The following SGMS1 variants were observed in gnomAD, a reference collection of about 807,000 sequenced individuals.
SGMS1 encodes sphingomyelin synthase 1.
A neutral mutation model predicts 46.2 loss-of-function variants in SGMS1; 13 were observed. The observed-to-expected ratio is 0.28, with a 90% confidence interval of 0.18 to 0.45. SGMS1 has a LOEUF of 0.45. Ranked by LOEUF, SGMS1 falls within the 20% of genes least tolerant of loss-of-function variation. SGMS1 has a pLI of 1.00. For missense variants in SGMS1, 324 were observed against 519.9 expected (o/e 0.62, Z 3.66); for synonymous variants, 203 against 187.8 (o/e 1.08, Z -0.66).
intron 3 of SGMS1, among the ~76,000 whole-genome samples, chr10:50,491,284 T>C (rs1271162855): frequency 6.6e-6 from 1 of 152,158 alleles, no homozygotes; most frequent in East Asian, 1.9e-4. Flanking sequence ...GCCCCACAGA[T>C]TGAGGCTATA....
At chr10:50,583,071 C>T (rs955900459) in intron 2 of SGMS1, among the ~76,000 whole-genome samples, 2 of 152,102 alleles carry the variant, frequency 1.3e-5, no homozygotes, top group Non-Finnish European at 2.9e-5. Context: ...TCCATTAATT[C>T]GATCCTTCTC....
intron 3 of SGMS1, among the ~76,000 whole-genome samples, chr10:50,506,057 TC>T (rs1262576786): frequency 6.6e-6 from 1 of 152,034 alleles, no homozygotes; most frequent in East Asian, 1.9e-4. Context: ...AGAATTGCCT[TC>T]CCCATCTCCC....
chr10:50,515,496 T>C (rs769410424), intron 3 of SGMS1, among the ~76,000 whole-genome samples: 7 of 152,240 alleles, frequency 4.6e-5, no homozygotes, highest in Non-Finnish European at 8.8e-5. Context: ...GGCCAGTTAC[T>C]GCTTTGCCAA....
chr10:50,392,205 T>C (rs980828289), intron 6 of SGMS1, among the ~76,000 whole-genome samples: 44 of 142,856 alleles, frequency 3.1e-4, no homozygotes, highest in Non-Finnish European at 5.1e-4. Context: ...AAAAAAAAAC[T>C]GAAATGTTGC....
chr10:50,327,057 G>T (rs1378746633), intron 8 of SGMS1, 148 bp downstream of exon 8: 2 of 521,432 alleles, frequency 3.8e-6, no homozygotes, highest in Non-Finnish European at 6.9e-6. Flanking sequence ...GGGTGGGGCT[G>T]CCTGGCCATA....
chr10:50,611,137 T>C (rs1422761739), intron 1 of SGMS1, among the ~76,000 whole-genome samples: 5 of 152,144 alleles, frequency 3.3e-5, no homozygotes, highest in Admixed American at 3.3e-4. Context: ...ATAGTGCCTG[T>C]GCAATAGCCC....
intron 8 of SGMS1, 57 bp downstream of exon 8, chr10:50,327,148 C>T (rs2133314148): frequency 1.9e-6 from 2 of 1,054,016 alleles, no homozygotes; most frequent in African/African-American, 1.6e-5. Context: ...ACTCAAAGGA[C>T]CCCAGGGCAA....
At position 50,587,222 on chromosome 10, in the gene SGMS1, AT is replaced by A. The variant is rs1367750777; in HGVS notation, c.-589+2930del. 2.3e-5 allele frequency among the ~76,000 whole-genome samples: 3 copies of A among 128,710 alleles called. No individual in the cohort carries two copies. The Admixed American group carries it at 2.4e-4, about 10-fold the overall frequency. The allele number at this position is 128,710 out of a possible 152,430, so 84.4% of individuals were successfully genotyped here. ...AAGGCAGATTTTTTTCAATAAACAC[AT>A]TGGAAAATTTTTTTGGAGATTTGCA... On this transcript the variant is annotated intron_variant, in intron 2 of 10. Transcript: ENST00000361781.
chr10:50,612,770 G>A (rs899796844), intron 1 of SGMS1, among the ~76,000 whole-genome samples: 3 of 152,130 alleles, frequency 2.0e-5, no homozygotes, highest in African/African-American at 7.2e-5. Context: ...GTGCAGTGGC[G>A]TGATCGCGGC....
chr10:50,477,947 C>T (rs181314184), intron 3 of SGMS1, among the ~76,000 whole-genome samples: 4,614 of 152,242 alleles, frequency 0.03, 108 homozygotes, highest in African/African-American at 0.064. Flanking sequence ...TTCTTTACAG[C>T]AGTGTGAGGG....
chr10:50,317,850 C>T (rs2133290769), intron 8 of SGMS1, among the ~76,000 whole-genome samples: 1 of 147,872 alleles, frequency 6.8e-6, no homozygotes, highest in South Asian at 2.1e-4. Flanking sequence ...AGAGCCCCGG[C>T]TGGAGTGCAA....
At position 50,458,339 on chromosome 10, in the gene SGMS1, CTTTTTTTTTTTTTTTTT is replaced by C. The variant is rs750349777; in HGVS notation, c.-313+2317_-313+2333del. 1.4e-4 allele frequency among the ~76,000 whole-genome samples: 14 copies of C among 97,130 alleles called. No individual in the cohort carries two copies. In the East Asian group the frequency reaches 1.8e-3, roughly 12 times the overall value. The allele number at this position is 97,130 out of a possible 152,430, so 63.7% of individuals were successfully genotyped here. On this transcript the variant is annotated intron_variant, in intron 5 of 10. Coordinates refer to ENST00000361781, the MANE Select transcript of SGMS1 (RefSeq NM_147156.4). Reference sequence around the variant, plus strand: ...TCTGGCTCTGCTATTTTCTTTTTCTCTTTTTTTTTTTTTTTTTTTTTTTTTTTTTTGTTTGAGGTGGA... The same window carrying C: ...TCTGGCTCTGCTATTTTCTTTTTCTCTTTTTTTTTTTTTGTTTGAGGTGGA...
At chr10:50,359,164 G>A in intron 6 of SGMS1, among the ~76,000 whole-genome samples, 1 of 152,310 alleles carries the variant, frequency 6.6e-6, no homozygotes, top group East Asian at 1.9e-4. Context: ...GCTTGCTGGA[G>A]TGTATGTATT....
chr10:50,515,428 A>G (rs1837792654), intron 3 of SGMS1, among the ~76,000 whole-genome samples: 1 of 152,226 alleles, frequency 6.6e-6, no homozygotes, highest in Non-Finnish European at 1.5e-5. Flanking sequence ...AATCATGCTA[A>G]TCATGCAACT....
chr10:50,585,181 C>T (rs536788826), intron 2 of SGMS1, among the ~76,000 whole-genome samples: 1 of 152,294 alleles, frequency 6.6e-6, no homozygotes, highest in South Asian at 2.1e-4. Flanking sequence ...ATGCTGCATT[C>T]CAAACTTTAT....
At chr10:50,595,190 T>G (rs903612303) in intron 1 of SGMS1, among the ~76,000 whole-genome samples, 26 of 152,170 alleles carry the variant, frequency 1.7e-4, no homozygotes, top group Non-Finnish European at 3.2e-4. Flanking sequence ...CTTTTTTTTT[T>G]TTTGAGATGG....
At chr10:50,550,831 T>G (rs947552933) in intron 2 of SGMS1, among the ~76,000 whole-genome samples, 7 of 152,130 alleles carry the variant, frequency 4.6e-5, no homozygotes, top group Non-Finnish European at 1.0e-4. Context: ...ACACACACTG[T>G]AAGAACTCCC....
At chr10:50,620,884 A>AAAT (rs1271675608) in intron 1 of SGMS1, among the ~76,000 whole-genome samples, 2 of 152,142 alleles carry the variant, frequency 1.3e-5, no homozygotes, top group Non-Finnish European at 2.9e-5. Context: ...TTTTAGTTAA[A>AAAT]AATAATAATA....
At chr10:50,477,525 G>A (rs1837437962) in intron 3 of SGMS1, among the ~76,000 whole-genome samples, 1 of 152,204 alleles carries the variant, frequency 6.6e-6, no homozygotes, top group Non-Finnish European at 1.5e-5. Flanking sequence ...GGGAGGGCAT[G>A]ATCGTGTTTT....
Sources: allele counts gnomAD v4.1 joint callset (sites outside exome capture counted in the v4.1 genomes callset), GRCh38; gene constraint gnomAD v4.1.1; transcripts MANE v1.5; gene names NCBI Gene and HGNC (gene_info 2026-07-23, HGNC 2026-07-21).